The following WDR62 variants were observed in gnomAD, a reference collection of about 807,000 sequenced individuals.
WDR62 encodes the protein WD repeat domain 62.
In WDR62, 112 loss-of-function variants were observed where a neutral mutation model predicts 160.6. The observed-to-expected ratio is 0.70, with a 90% confidence interval of 0.60 to 0.82. The LOEUF (loss-of-function observed/expected upper bound fraction) is 0.82, where lower values mean the gene tolerates loss of function less well. WDR62 is among the 40% of genes least tolerant of loss of function. WDR62 has a pLI of 0.00. For synonymous variants in WDR62, 792 were observed against 815.1 expected, an observed-to-expected ratio of 0.97 and a Z score of 0.48; for missense variants, 1,819 against 1,983.8, an observed-to-expected ratio of 0.92 and a Z score of 1.58.
At chr19:36,098,463 G>A (rs539383863) in intron 21 of WDR62, among the ~76,000 whole-genome samples, 1 of 151,404 alleles carries the variant, frequency 6.6e-6, no homozygotes, top group East Asian at 2.0e-4. Context: ...TACTGGTAAG[G>A]CTGAGGCAGG....
In WDR62 at chr19:36,102,760, G is replaced by A; in HGVS notation, c.3244G>A (p.Asp1082Asn). The A allele has an allele frequency of 6.2e-7, 1 of 1,614,222 alleles. No homozygotes were observed. Among genetic ancestry groups the A allele is most frequent in the East Asian group, 2.2e-5 (1 of 44,874 alleles). Residue 1082 changes from aspartate to asparagine, a missense_variant, in exon 27 of 32, where the codon GAC becomes AAC. Asp to Asn is a conservative substitution (Grantham distance 23). Coordinates refer to ENST00000401500, the MANE Select transcript of WDR62 (RefSeq NM_001083961.2). ...CRELFPAALG[D>N]VEASEAEDHF... ...AGAGCTCTTCCCCGCAGCTCTGGGA[G>A]ACGTGGAGGCCTCTGAAGCTGAAGA...
At position 36,054,912 on chromosome 19, in the gene WDR62, C is replaced by T. The variant is rs1265437928; in HGVS notation, c.-60C>T. 6.5e-7 allele frequency: 1 copy of T among 1,539,702 alleles called. No individual in the cohort carries two copies. The highest frequency in any genetic ancestry group is 1.4e-5 in the African/African-American group (1 of 73,240). On this transcript the variant is annotated 5_prime_UTR_variant, in exon 1 of 32. Coordinates refer to ENST00000401500, the MANE Select transcript of WDR62 (RefSeq NM_001083961.2). The stretch of plus-strand genomic sequence containing the variant: ...GCGGCTGTTCGCTGTTCCAGTGGGT[C>T]GTGGCGGTGGCGGCAGCGGCGGTTA...
intron 16 of WDR62, 116 bp downstream of exon 16, chr19:36,090,636 C>A: frequency 2.2e-6 from 2 of 923,620 alleles, no homozygotes; most frequent in Non-Finnish European, 3.5e-6. Flanking sequence ...TGCCCAGCAC[C>A]TTCTCAGGCC....
chr19:36,101,828 C>T, intron 25 of WDR62, 54 bp downstream of exon 25: 2 of 1,512,246 alleles, frequency 1.3e-6, no homozygotes, highest in South Asian at 1.2e-5. Flanking sequence ...GGCTTAGGGC[C>T]AGTCACAATG....
chr19:36,076,888 C>T (rs1971599732), intron 9 of WDR62, among the ~76,000 whole-genome samples: 1 of 151,816 alleles, frequency 6.6e-6, no homozygotes, highest in Non-Finnish European at 1.5e-5. Context: ...GAATATGTAG[C>T]CATTATATAC....
chr19:36,108,078 C>T (rs1160347830), downstream of WDR62, among the ~76,000 whole-genome samples: 1 of 152,084 alleles, frequency 6.6e-6, no homozygotes, highest in African/African-American at 2.4e-5. Context: ...AGAGAAGGAA[C>T]AAGAACCCAA....
At chr19:36,080,430 A>T (rs1203021953) in intron 9 of WDR62, among the ~76,000 whole-genome samples, 50 of 135,534 alleles carry the variant, frequency 3.7e-4, no homozygotes, top group African/African-American at 1.4e-3. Context: ...TTATTTTTTT[A>T]TTTTTATTTT....
intron 10 of WDR62, 146 bp from the exon 11 acceptor site, chr19:36,082,917 A>C: frequency 1.4e-6 from 1 of 709,768 alleles, no homozygotes; most frequent in South Asian, 1.6e-5. Flanking sequence ...CAGGGGAGGC[A>C]AGGAAATAAT....
intron 12 of WDR62, among the ~76,000 whole-genome samples, chr19:36,085,646 T>C (rs897637152): frequency 6.6e-6 from 1 of 151,974 alleles, no homozygotes; most frequent in Non-Finnish European, 1.5e-5. Flanking sequence ...TTTCACCATG[T>C]TAGCCTAGGC....
chr19:36,110,206 C>T, the WDR62 span, among the ~76,000 whole-genome samples: 3 of 151,962 alleles, frequency 2.0e-5, no homozygotes, highest in Non-Finnish European at 4.4e-5. Flanking sequence ...TGCGGTGGCT[C>T]ATGCCTGTAA....
intron 1 of WDR62, 84 bp downstream of exon 1, chr19:36,055,232 A>AT: frequency 2.3e-5 from 34 of 1,476,632 alleles, no homozygotes; most frequent in Non-Finnish European, 2.8e-5. Context: ...TGGCCCCGAC[A>AT]TCAGCCCCCG....
intron 18 of WDR62, 100 bp from the exon 19 acceptor site, chr19:36,092,589 G>C (rs1972688198): frequency 6.6e-7 from 1 of 1,525,588 alleles, no homozygotes; most frequent in African/African-American, 1.4e-5. Flanking sequence ...CTGGAGAATG[G>C]GGTCCAGGCT....
chr19:36,086,647 C>T (rs770830708), intron 12 of WDR62, 40 bp from the exon 13 acceptor site: 12 of 1,576,266 alleles, frequency 7.6e-6, no homozygotes, highest in East Asian at 2.3e-5. Flanking sequence ...AGGGCACCCA[C>T]GCAGCCTTCA....
chr19:36,095,681 C>T (rs761707079), intron 20 of WDR62, among the ~76,000 whole-genome samples: 3 of 152,210 alleles, frequency 2.0e-5, no homozygotes, highest in Non-Finnish European at 2.9e-5. Flanking sequence ...GTAATAGCAG[C>T]TACTTGGGAA....
chr19:36,080,147 G>A (rs143912417), intron 9 of WDR62, among the ~76,000 whole-genome samples: 5,378 of 150,482 alleles, frequency 0.036, 131 homozygotes, highest in East Asian at 0.11. Context: ...TCCCTCTGCC[G>A]CCCAGGCTGG....
intron 1 of WDR62, among the ~76,000 whole-genome samples, chr19:36,055,515 C>T (rs1970315639): frequency 6.6e-6 from 1 of 152,240 alleles, no homozygotes; most frequent in South Asian, 2.1e-4. Flanking sequence ...CCCGCTGAGT[C>T]ATTAAGGTCC....
chr19:36,109,850 T>C (rs879864096), downstream of WDR62, among the ~76,000 whole-genome samples: 3 of 151,140 alleles, frequency 2.0e-5, no homozygotes, highest in Non-Finnish European at 2.9e-5. Flanking sequence ...ATTTAGGAGT[T>C]TGAGACCAGC....
In WDR62 at chr19:36,084,746, T is replaced by G; in HGVS notation, c.1642+2T>G. 1 of 1,612,558 alleles carries G rather than the reference T, an allele frequency of 6.2e-7. No homozygotes were observed. The highest frequency in any genetic ancestry group is 8.5e-7 in the Non-Finnish European group (1 of 1,179,790). On this transcript the variant is annotated splice_donor_variant, in intron 12 of 31. Transcript: ENST00000401500. LOFTEE classifies it high-confidence loss of function. ...TGGAGTACTCCAAGCCAGAGACGGG[T>G]GAGCCCGCAGCAGGGGTGGAATGGG...
intron 9 of WDR62, chr19:36,074,108 G>A (rs1971451066): frequency 3.9e-6 from 1 of 255,358 alleles, no homozygotes; most frequent in Non-Finnish European, 7.8e-6. Context: ...AGACCAGCCT[G>A]GGCAACACAA....
Sources: gnomAD v4.1 joint callset for allele counts (sites outside exome capture counted in the v4.1 genomes callset) on GRCh38, gnomAD v4.1.1 for gene constraint, MANE v1.5 for transcripts, NCBI Gene and HGNC (gene_info 2026-07-23, HGNC 2026-07-21) for gene names.